Variants in ZSWIM5 observed in about 807,000 individuals in gnomAD.
ZSWIM5 encodes zinc finger SWIM-type containing 5.
In ZSWIM5, 55 loss-of-function variants were observed where a neutral mutation model predicts 119.6. The ratio of observed to expected loss-of-function variants is 0.46; its 90% CI spans 0.37 to 0.58. The LOEUF (loss-of-function observed/expected upper bound fraction) is 0.58. Among genes scored for constraint, ZSWIM5 ranks in the 20% least tolerant of loss-of-function variants. The pLI is 0.00. For synonymous variants in ZSWIM5, 537 were observed against 606.9 expected, an observed-to-expected ratio of 0.88 and a Z score of 1.69; for missense variants, 1,193 against 1,512.8, an observed-to-expected ratio of 0.79 and a Z score of 3.51.
In ZSWIM5 at chr1:45,029,503, A is replaced by G. The variant is rs75094823; in HGVS notation, c.2449+4809T>C. Among the ~76,000 whole-genome samples the G allele has an allele frequency of 5.1e-3, 774 of 152,312 alleles. 31 individuals are homozygous for G. Among genetic ancestry groups the G allele is most frequent in the East Asian group, 0.044 (228 of 5,190 alleles). On this transcript the variant is annotated intron_variant, in intron 11 of 13. Coordinates refer to ENST00000359600, the MANE Select transcript of ZSWIM5 (RefSeq NM_020883.2). ...ATATTAACTGTGATCAGTTGATTAA[A>G]GTGGTGTTGGCCAGGTTTCGATTGT...
intron 1 of ZSWIM5, among the ~76,000 whole-genome samples, chr1:45,159,380 T>C (rs575568725): frequency 4.6e-5 from 7 of 152,236 alleles, no homozygotes; most frequent in African/African-American, 1.4e-4. Context: ...AAAATGAGGA[T>C]AATAATATCA....
intron 1 of ZSWIM5, among the ~76,000 whole-genome samples, chr1:45,164,923 C>G (rs922041881): frequency 3.9e-5 from 6 of 152,100 alleles, no homozygotes; most frequent in Admixed American, 6.6e-5. Context: ...AGAAAGTTAA[C>G]AAGGTTACCC....
In ZSWIM5 at chr1:45,035,810, G is replaced by C. The variant is rs776823344; in HGVS notation, c.2169C>G (p.Ser723Arg). The change falls in exon 10 of 14, where the codon AGC becomes AGG. Residue 723 changes from serine to arginine, a missense_variant. This residue lies in a region of ZSWIM5 where 961 missense variants were observed against 1,290.0 expected (regional missense o/e 0.74). Coordinates refer to ENST00000359600, the MANE Select transcript of ZSWIM5 (RefSeq NM_020883.2). Reference protein sequence around the residue: ...CILLLEGGPFSGLGEVIHRES... With the variant: ...CILLLEGGPFRGLGEVIHRES... ...CTCGGTGGATGACTTCTCCCAGACC[G>C]CTGAAAGGACCTCCTGGAGGAAGAT... 6.2e-7 allele frequency: 1 copy of C among 1,612,510 alleles called. No individual in the cohort carries two copies. Among genetic ancestry groups the C allele is most frequent in the Non-Finnish European group, 8.5e-7 (1 of 1,179,716 alleles).
At chr1:45,194,263 T>C (rs547201983) in intron 1 of ZSWIM5, among the ~76,000 whole-genome samples, 1 of 152,260 alleles carries the variant, frequency 6.6e-6, no homozygotes, top group East Asian at 1.9e-4. Flanking sequence ...CTCCAAGGCT[T>C]TCAAAGACAC....
At chr1:45,195,048 A>C (rs1383424446) in intron 1 of ZSWIM5, among the ~76,000 whole-genome samples, 1 of 152,136 alleles carries the variant, frequency 6.6e-6, no homozygotes, top group Non-Finnish European at 1.5e-5. Context: ...CTCTTCCCCC[A>C]TAGTAACTTC....
Position 45,019,960 on chromosome 1 carries a change from T to G in ZSWIM5, c.2695+106A>C. The G allele has an allele frequency of 1.0e-6, 1 of 995,184 alleles. No homozygotes were observed. The highest frequency in any genetic ancestry group is 1.5e-6 in the Non-Finnish European group (1 of 653,444). The allele number at this position is 995,184 out of a possible 1,614,324, so 61.6% of individuals were successfully genotyped here. On this transcript the variant is annotated intron_variant, in intron 13 of 13. Coordinates refer to ENST00000359600, the MANE Select transcript of ZSWIM5 (RefSeq NM_020883.2). The surrounding 1 kb of genome is among the most constrained non-coding windows in gnomAD (Gnocchi z 5.0). ...TTCTTAGGCCATCTCCTGATGGACC[T>G]AAGATCTCATAGGAATATGAGAGCT... is the stretch of plus-strand genomic sequence containing the variant.
chr1:45,058,660 G>T lies in ZSWIM5; in HGVS notation c.1201C>A (p.Gln401Lys). ...VADPRLTLWR[Q>K]QGTNMTDKCR... ...TTGTCTGTCATGTTTGTTCCTTGCTGCCTCCAGAGTGTGAGTCGTGGGTCA... is the reference window on the plus strand; with the variant it reads ...TTGTCTGTCATGTTTGTTCCTTGCTTCCTCCAGAGTGTGAGTCGTGGGTCA... The change falls in exon 4 of 14, where the codon CAG (glutamine) becomes AAG (lysine). Residue 401 changes from glutamine (Q) to lysine (K), a missense_variant. This residue lies in a region of ZSWIM5 where 961 missense variants were observed against 1,290.0 expected (regional missense o/e 0.74). Coordinates refer to ENST00000359600, the MANE Select transcript of ZSWIM5 (RefSeq NM_020883.2). 1 of 1,614,234 alleles carries T rather than the reference G, an allele frequency of 6.2e-7. No individual in the cohort carries two copies. The highest frequency in any genetic ancestry group is 8.5e-7 in the Non-Finnish European group (1 of 1,180,046).
intron 1 of ZSWIM5, among the ~76,000 whole-genome samples, chr1:45,116,394 C>T (rs1645558517): frequency 6.6e-6 from 1 of 152,148 alleles, no homozygotes; most frequent in Non-Finnish European, 1.5e-5. Flanking sequence ...CTTTTCTCCT[C>T]CTTCTAGCAA....
At position 45,039,048 on chromosome 1, in the gene ZSWIM5, G is replaced by C. The variant is rs7551698; in HGVS notation, c.1782C>G (p.Thr594=). 0.57 allele frequency: 922,522 copies of C among 1,613,728 alleles called. 267,084 individuals carry two copies. Among genetic ancestry groups the C allele is most frequent in the South Asian group, 0.66 (59,798 of 91,068 alleles). Reference sequence around the variant, plus strand: ...CCACCCAGCCCTCCAGGTTTGTGATGGTTGTGGTTCCTCTCTGCAACAGTT... The same window carrying C: ...CCACCCAGCCCTCCAGGTTTGTGATCGTTGTGGTTCCTCTCTGCAACAGTT... ...KKELLQRGTT[T]ITNLEGWVGH... is the part of the protein sequence containing the mutation. The change falls in exon 8 of 14, where the codon ACC becomes ACG. Residue 594 remains threonine (T), a synonymous_variant. Coordinates refer to ENST00000359600, the MANE Select transcript of ZSWIM5 (RefSeq NM_020883.2).
At chr1:45,128,219 T>C (rs529653052) in intron 1 of ZSWIM5, among the ~76,000 whole-genome samples, 1 of 152,168 alleles carries the variant, frequency 6.6e-6, no homozygotes, top group African/African-American at 2.4e-5. Flanking sequence ...CACTCTTTCT[T>C]TCTCTCTCTT....
chr1:45,199,472 T>G (rs1396511439), intron 1 of ZSWIM5, among the ~76,000 whole-genome samples: 1 of 152,164 alleles, frequency 6.6e-6, no homozygotes, highest in Non-Finnish European at 1.5e-5. Context: ...CTAATATTTT[T>G]GTATTTTTAG....
At position 45,090,835 on chromosome 1, in the gene ZSWIM5, GA is replaced by G. The variant is rs11446990; in HGVS notation, c.596-2599del. On this transcript the variant is annotated intron_variant, in intron 1 of 13. Coordinates refer to ENST00000359600, the MANE Select transcript of ZSWIM5 (RefSeq NM_020883.2). ...TGAGACCCTGTCTCTTTAAGAAAAA[GA>G]AAAAAAAAAAGAACTAAAGAAGAGA... Among the ~76,000 whole-genome samples the G allele has an allele frequency of 1.7e-3, 238 of 138,728 alleles. 2 individuals carry two copies. Among genetic ancestry groups the G allele is most frequent in the Middle Eastern group, 7.4e-3 (2 of 270 alleles). 91.0% of individuals were successfully genotyped at this position (138,728 alleles called of 152,430 possible). A position where few individuals can be genotyped will look rare whatever the true frequency, so the allele number is the denominator to read the frequency against.
intron 11 of ZSWIM5, among the ~76,000 whole-genome samples, chr1:45,033,769 A>C (rs767206316): frequency 2.0e-5 from 3 of 152,192 alleles, no homozygotes; most frequent in Non-Finnish European, 2.9e-5. Flanking sequence ...TATCAAACAG[A>C]AGGTTAGACT....
intron 1 of ZSWIM5, among the ~76,000 whole-genome samples, chr1:45,159,442 C>T (rs1032660036): frequency 3.3e-5 from 5 of 152,104 alleles, no homozygotes; most frequent in Admixed American, 3.3e-4. Context: ...TCTTACTTAA[C>T]ACAGAATACT....
chr1:45,088,103 A>C lies in ZSWIM5; in HGVS notation c.730T>G (p.Tyr244Asp). The C allele has an allele frequency of 6.2e-7, 1 of 1,614,214 alleles. No homozygotes were observed. The highest frequency in any genetic ancestry group is 8.5e-7 in the Non-Finnish European group (1 of 1,180,026). ...TCGCGNKDIF[Y>D]CAHVVALSLY... ...GAGAGTGCTACCACATGGGCACAGT[A>C]GAATATGTCCTTGTTCCCACAGCCA... The change falls in exon 2 of 14, where the codon TAC becomes GAC. Residue 244 changes from tyrosine (Y) to aspartate (D), a missense_variant. By Grantham distance (160) the Tyr-to-Asp change is radical. Coordinates refer to ENST00000359600, the MANE Select transcript of ZSWIM5 (RefSeq NM_020883.2). This position sits in a 1 kb window ranked among gnomAD's most constrained non-coding sequence, Gnocchi z 4.2.
rs1644853798 is a variant in ZSWIM5, at chr1:45,016,439, T to G, written c.*2015A>C. 6.6e-6 allele frequency: 1 copy of G among 152,232 alleles called. No individual in the cohort carries two copies. The allele number at this position is 152,232 out of a possible 1,614,324, so 9.4% of individuals were successfully genotyped here. On this transcript the variant is annotated 3_prime_UTR_variant, in exon 14 of 14. Coordinates refer to ENST00000359600, the MANE Select transcript of ZSWIM5 (RefSeq NM_020883.2). ...GATCTTTTATGTGATCCATGATTTA[T>G]TCATAGAAAAGCACTGTGAATTCAC...
At chr1:45,060,522 G>T (rs1187577522) in intron 2 of ZSWIM5, among the ~76,000 whole-genome samples, 1 of 152,198 alleles carries the variant, frequency 6.6e-6, no homozygotes, top group African/African-American at 2.4e-5. Flanking sequence ...GGGAAAAAAG[G>T]TTAGAAGAGA....
chr1:45,131,870 T>C (rs994093134), intron 1 of ZSWIM5, among the ~76,000 whole-genome samples: 35 of 151,434 alleles, frequency 2.3e-4, no homozygotes, highest in African/African-American at 8.2e-4. Flanking sequence ...AATTAGTAGC[T>C]AACAAGTGAT....
chr1:45,165,298 C>T (rs1014100808), intron 1 of ZSWIM5, among the ~76,000 whole-genome samples: 10 of 152,122 alleles, frequency 6.6e-5, no homozygotes, highest in African/African-American at 2.4e-4. Flanking sequence ...ACCAGAATCT[C>T]TGGGACACAT....
Sources: gnomAD v4.1 joint callset for allele counts (sites outside exome capture counted in the v4.1 genomes callset) on GRCh38, gnomAD v4.1.1 for gene constraint, gnomAD v4.1.1 regional missense constraint, Gnocchi (gnomAD v3.1) non-coding constraint, MANE v1.5 for transcripts, NCBI Gene and HGNC (gene_info 2026-07-23, HGNC 2026-07-21) for gene names.